ALPK2: variants seen among roughly 807,000 people sequenced by gnomAD.
The protein encoded by ALPK2 is alpha kinase 2.
ALPK2 carries 127 observed loss-of-function variants against 163.1 expected under a neutral mutation model. The observed-to-expected ratio is 0.78, with a 90% CI of 0.67 to 0.90. The LOEUF is 0.90. Ranked by LOEUF, ALPK2 falls within the 40% of genes least tolerant of loss-of-function variation. ALPK2 has a pLI of 0.00. For synonymous variants in ALPK2, 953 were observed against 959.1 expected (o/e 0.99, Z 0.12); for missense variants, 2,360 against 2,589.6 (o/e 0.91, Z 1.92).
At chr18:58,534,312 A>G (rs375459324) in intron 5 of ALPK2, among the ~76,000 whole-genome samples, 1 of 144,936 alleles carries the variant, frequency 6.9e-6, no homozygotes, top group Non-Finnish European at 1.5e-5. Flanking sequence ...GGAAGAAAAA[A>G]CCAAGGTTCA....
chr18:58,573,551 C>T (rs2051901435), intron 4 of ALPK2, among the ~76,000 whole-genome samples: 1 of 141,142 alleles, frequency 7.1e-6, no homozygotes, highest in African/African-American at 2.6e-5. Context: ...GCCAGGAATG[C>T]AGTATTTTAA....
At chr18:58,559,017 A>C (rs908197521) in intron 4 of ALPK2, among the ~76,000 whole-genome samples, 2 of 152,256 alleles carry the variant, frequency 1.3e-5, no homozygotes, top group Non-Finnish European at 2.9e-5. Flanking sequence ...GGTTGGTTGC[A>C]CAATTTGTGA....
chr18:58,578,690 T>A, intron 4 of ALPK2, 124 bp downstream of exon 4: 1 of 901,992 alleles, frequency 1.1e-6, no homozygotes, highest in African/African-American at 1.8e-5. Context: ...TTATTTTGAT[T>A]TACATTATGG....
intron 8 of ALPK2, 41 bp downstream of exon 8, chr18:58,523,765 T>C (rs1459212799): frequency 1.2e-6 from 2 of 1,613,624 alleles, no homozygotes; most frequent in South Asian, 1.1e-5. Context: ...TGCTTTACAG[T>C]AAGCCCATTT....
intron 4 of ALPK2, among the ~76,000 whole-genome samples, chr18:58,567,509 T>C (rs2051862263): frequency 6.6e-6 from 1 of 152,122 alleles, no homozygotes; most frequent in Non-Finnish European, 1.5e-5. Flanking sequence ...TTTAAGACAC[T>C]GCCCTGGGGA....
At chr18:58,601,582 C>G (rs1047778742) in intron 3 of ALPK2, among the ~76,000 whole-genome samples, 2 of 152,052 alleles carry the variant, frequency 1.3e-5, no homozygotes, top group Non-Finnish European at 2.9e-5. Flanking sequence ...GGAATGCTGC[C>G]CTTAGACTGC....
In ALPK2 at chr18:58,579,360, G is replaced by A. The variant is rs1307532946; in HGVS notation, c.1416C>T (p.Ser472=). Residue 472 remains serine, a synonymous_variant, in exon 4 of 13, where the codon AGC becomes AGT. Coordinates refer to ENST00000361673, the MANE Select transcript of ALPK2 (RefSeq NM_052947.4). The part of the protein sequence containing the change: ...YPGIQGETRD[S]HQAREEFASD... ...TGGCAAATTCCTCTCTTGCTTGGTG[G>A]CTGTCTCTGGTTTCTCCTTGAATTC... 4 of 1,614,128 alleles carry A rather than the reference G, an allele frequency of 2.5e-6. No individual in the cohort carries two copies. The highest frequency in any genetic ancestry group is 2.5e-6 in the Non-Finnish European group (3 of 1,180,018).
intron 4 of ALPK2, among the ~76,000 whole-genome samples, chr18:58,539,031 A>G (rs1470933415): frequency 2.6e-5 from 4 of 152,192 alleles, no homozygotes; most frequent in Non-Finnish European, 5.9e-5. Context: ...AGCCACCAGA[A>G]TCATGAACCA....
chr18:58,543,421 C>T (rs545914440), intron 4 of ALPK2: 4 of 985,266 alleles, frequency 4.1e-6, no homozygotes, highest in Non-Finnish European at 4.8e-6. Flanking sequence ...GCAGTCTGTG[C>T]GTTGATACAG....
At chr18:58,578,748 A>G (rs1459076290) in intron 4 of ALPK2, 66 bp downstream of exon 4, 16,241 of 860,562 alleles carry the variant, frequency 0.019, 8 homozygotes, top group Non-Finnish European at 0.023. Context: ...ACACACACAC[A>G]CACACACACA....
chr18:58,612,810 T>C (rs2052140091), intron 1 of ALPK2, among the ~76,000 whole-genome samples: 1 of 152,214 alleles, frequency 6.6e-6, no homozygotes, highest in Non-Finnish European at 1.5e-5. Flanking sequence ...GCCCTGAGCT[T>C]AGAAAGGGCA....
intron 4 of ALPK2, among the ~76,000 whole-genome samples, chr18:58,569,986 CGGGTGT>C (rs2051876976): frequency 1.3e-5 from 2 of 152,056 alleles, no homozygotes; most frequent in Non-Finnish European, 1.5e-5. Context: ...AAAAATTAGC[CGGGTGT>C]GGTGGCGGGT....
intron 12 of ALPK2, among the ~76,000 whole-genome samples, chr18:58,486,309 TTAGCTACCTTCGAGCCC>T (rs2051338679): frequency 6.6e-6 from 1 of 152,210 alleles, no homozygotes; most frequent in Non-Finnish European, 1.5e-5. Context: ...TTCTCAGCCC[TTAGCTACCTTCGAGCCC>T]CAGCTCCAGT....
intron 9 of ALPK2, 84 bp downstream of exon 9, chr18:58,516,824 T>C: frequency 5.4e-6 from 8 of 1,471,798 alleles, no homozygotes; most frequent in Non-Finnish European, 7.5e-6. Context: ...GATATTCCCA[T>C]CAATCCTGAG....
chr18:58,542,247 C>G (rs1200190297), intron 4 of ALPK2, among the ~76,000 whole-genome samples: 1 of 152,220 alleles, frequency 6.6e-6, no homozygotes, highest in Non-Finnish European at 1.5e-5. Context: ...CTAAGACTAA[C>G]CACATGCATG....
chr18:58,507,187 T>A (rs189014797), intron 10 of ALPK2, among the ~76,000 whole-genome samples: 61 of 152,294 alleles, frequency 4.0e-4, no homozygotes, highest in African/African-American at 1.4e-3. Context: ...TGTAGGCCCC[T>A]AACTATATGT....
At chr18:58,525,619 G>C (rs971590527) in intron 6 of ALPK2, among the ~76,000 whole-genome samples, 3 of 152,184 alleles carry the variant, frequency 2.0e-5, no homozygotes, top group African/African-American at 7.2e-5. Context: ...ACATGTAGGA[G>C]TCAGAAAGGT....
rs12966934 is a variant in ALPK2, at chr18:58,534,885, T to G, written c.5302A>C (p.Thr1768Pro). The stretch of plus-strand genomic sequence containing the variant: ...TTTTTTGGGTCTTGTTTCTCTTCTG[T>G]GTGTGATAATGATGTTTCGAGTTTG... ...MPKLETSLSH[T>P]EEKQDPKKPS... Residue 1768 changes from threonine to proline, a missense_variant, in exon 5 of 13, where the codon ACA becomes CCA. Thr to Pro is a conservative substitution (Grantham distance 38). Transcript: ENST00000361673. 1 of 1,613,796 alleles carries G rather than the reference T, an allele frequency of 6.2e-7. No homozygotes were observed. The highest frequency in any genetic ancestry group is 1.3e-5 in the African/African-American group (1 of 74,856).
At chr18:58,617,586 A>C (rs995870156) in intron 1 of ALPK2, among the ~76,000 whole-genome samples, 1 of 152,198 alleles carries the variant, frequency 6.6e-6, no homozygotes, top group Non-Finnish European at 1.5e-5. Flanking sequence ...AAAGTCTCCC[A>C]GAGGCATCAT....
Sources: allele counts gnomAD v4.1 joint callset (sites outside exome capture counted in the v4.1 genomes callset), GRCh38; gene constraint gnomAD v4.1.1; transcripts MANE v1.5; gene names NCBI Gene and HGNC (gene_info 2026-07-23, HGNC 2026-07-21).